STXBP5L: variants seen among roughly 807,000 people sequenced by gnomAD.
STXBP5L encodes syntaxin-binding protein 5-like.
STXBP5L carries 65 observed loss-of-function variants against 144.5 expected under a neutral mutation model. That is an observed-to-expected ratio of 0.45 (90% confidence interval 0.37 to 0.55). STXBP5L has a LOEUF of 0.55. Among genes scored for constraint, STXBP5L ranks in the 20% least tolerant of loss-of-function variants. The pLI, the probability that STXBP5L is intolerant of heterozygous loss-of-function variation, is 0.00. For synonymous variants in STXBP5L, 505 were observed against 469.6 expected (o/e 1.08, Z -0.97); for missense variants, 1,298 against 1,405.5 (o/e 0.92, Z 1.22).
intron 3 of STXBP5L, among the ~76,000 whole-genome samples, chr3:121,018,996 G>A (rs943020341): frequency 1.3e-5 from 2 of 152,184 alleles, no homozygotes; most frequent in African/African-American, 2.4e-5. Flanking sequence ...CCTGCTCACC[G>A]GCTGCCGGGA....
intron 19 of STXBP5L, among the ~76,000 whole-genome samples, chr3:121,294,924 T>C (rs1471034606): frequency 6.6e-6 from 1 of 152,140 alleles, no homozygotes; most frequent in East Asian, 1.9e-4. Flanking sequence ...AGTGACCCTT[T>C]AAAAAGCGAT....
intron 16 of STXBP5L, among the ~76,000 whole-genome samples, 188 bp from the exon 17 acceptor site, chr3:121,256,973 A>G (rs576202946): frequency 1.3e-5 from 2 of 152,088 alleles, no homozygotes; most frequent in South Asian, 4.1e-4. Flanking sequence ...TAACTATTTG[A>G]TTTAGTATGA....
chr3:121,008,931 A>ATT (rs35274717), intron 3 of STXBP5L, among the ~76,000 whole-genome samples: 14,830 of 149,284 alleles, frequency 0.099, 1,152 homozygotes, highest in Admixed American at 0.2. Flanking sequence ...AATATAATCA[A>ATT]TTTTTTTTTT....
At chr3:121,067,840 A>T (rs1469120947) in intron 5 of STXBP5L, among the ~76,000 whole-genome samples, 2 of 152,192 alleles carry the variant, frequency 1.3e-5, no homozygotes, top group Admixed American at 1.3e-4. Context: ...ATTATAAAAT[A>T]TCTCTTTCTC....
intron 16 of STXBP5L, among the ~76,000 whole-genome samples, chr3:121,256,750 A>T (rs1180141892): frequency 3.3e-5 from 5 of 151,858 alleles, no homozygotes; most frequent in Non-Finnish European, 7.4e-5. Context: ...GTGTATATGA[A>T]AAAAGTTTAA....
At chr3:121,037,145 C>G (rs1309337703) in intron 3 of STXBP5L, among the ~76,000 whole-genome samples, 1 of 151,608 alleles carries the variant, frequency 6.6e-6, no homozygotes, top group Non-Finnish European at 1.5e-5. Context: ...GTTGGCCAGG[C>G]TTGTCTTGAA....
chr3:121,305,155 T>C (rs1177341525), intron 19 of STXBP5L, among the ~76,000 whole-genome samples: 2 of 152,144 alleles, frequency 1.3e-5, no homozygotes, highest in African/African-American at 2.4e-5. Flanking sequence ...ATCATTAACA[T>C]TTTTTAATTC....
intron 22 of STXBP5L, among the ~76,000 whole-genome samples, chr3:121,389,368 TTG>T (rs1560047286): frequency 6.6e-6 from 1 of 152,350 alleles, no homozygotes; most frequent in East Asian, 1.9e-4. Flanking sequence ...GAAAGGTTTT[TTG>T]TGTCTCTGTC....
chr3:121,315,728 G>A (rs939033811), intron 19 of STXBP5L, among the ~76,000 whole-genome samples: 22 of 152,052 alleles, frequency 1.4e-4, no homozygotes, highest in East Asian at 3.9e-4. Context: ...GGGGCCAGGC[G>A]TGATGGCTCA....
intron 19 of STXBP5L, among the ~76,000 whole-genome samples, chr3:121,298,729 G>A (rs1424166689): frequency 6.6e-6 from 1 of 152,158 alleles, no homozygotes; most frequent in Non-Finnish European, 1.5e-5. Context: ...GAAGCAGAAA[G>A]TAGAATAATG....
intron 1 of STXBP5L, 132 bp from the exon 2 acceptor site, chr3:120,909,439 C>T: frequency 1.3e-6 from 1 of 746,602 alleles, no homozygotes; most frequent in Non-Finnish European, 2.0e-6. Context: ...CTCTTTTTTT[C>T]CAGTCGGTCG....
At chr3:120,925,610 T>C (rs1709584580) in intron 2 of STXBP5L, among the ~76,000 whole-genome samples, 1 of 152,200 alleles carries the variant, frequency 6.6e-6, no homozygotes, top group African/African-American at 2.4e-5. Flanking sequence ...CTATGCCTTT[T>C]ACTTGGATAA....
At chr3:121,395,845 G>A (rs974226239) in intron 22 of STXBP5L, among the ~76,000 whole-genome samples, 13 of 152,138 alleles carry the variant, frequency 8.5e-5, no homozygotes, top group South Asian at 2.1e-4. Flanking sequence ...GGCTGTGTTC[G>A]ACAGGTGTTG....
intron 5 of STXBP5L, among the ~76,000 whole-genome samples, chr3:121,062,048 T>G (rs911712184): frequency 1.3e-5 from 2 of 152,344 alleles, no homozygotes; most frequent in Non-Finnish European, 2.9e-5. Flanking sequence ...TGATGTAGTT[T>G]CTTCGTAGAG....
chr3:121,052,630 G>C (rs577545391), intron 5 of STXBP5L, among the ~76,000 whole-genome samples: 3 of 152,140 alleles, frequency 2.0e-5, no homozygotes, highest in African/African-American at 7.2e-5. Context: ...CAAACCCACA[G>C]TCAATATCAT....
chr3:121,340,853 A>G (rs528474344), intron 20 of STXBP5L, among the ~76,000 whole-genome samples: 2 of 152,200 alleles, frequency 1.3e-5, no homozygotes, highest in Non-Finnish European at 2.9e-5. Flanking sequence ...GTTAAAAAGC[A>G]GGGAGACAAA....
At chr3:121,289,567 C>A (rs2051352755) in intron 19 of STXBP5L, among the ~76,000 whole-genome samples, 1 of 152,154 alleles carries the variant, frequency 6.6e-6, no homozygotes, top group Non-Finnish European at 1.5e-5. Context: ...CAGATATTTA[C>A]AGAACATTCT....
intron 3 of STXBP5L, among the ~76,000 whole-genome samples, chr3:120,978,168 A>C (rs1255572832): frequency 6.6e-6 from 1 of 152,098 alleles, no homozygotes; most frequent in Non-Finnish European, 1.5e-5. Context: ...TCTCCCTGTC[A>C]CTTTCAGATA....
intron 20 of STXBP5L, among the ~76,000 whole-genome samples, chr3:121,359,903 T>A (rs1334502400): frequency 6.7e-6 from 1 of 150,364 alleles, no homozygotes; most frequent in East Asian, 1.9e-4. Flanking sequence ...GGTAATGTGA[T>A]TCCTCCAGTT....
Sources: allele counts gnomAD v4.1 joint callset (sites outside exome capture counted in the v4.1 genomes callset), GRCh38; gene constraint gnomAD v4.1.1; transcripts MANE v1.5; gene names NCBI Gene and HGNC (gene_info 2026-07-23, HGNC 2026-07-21).